RALGAPB: variants seen among roughly 807,000 people sequenced by gnomAD.
RALGAPB encodes the protein ral GTPase-activating protein subunit beta.
In RALGAPB, 25 loss-of-function variants were observed where a neutral mutation model predicts 161.1. That is an observed-to-expected ratio of 0.16 (90% CI 0.11 to 0.22). The LOEUF is 0.22. RALGAPB is among the 10% of genes least tolerant of loss of function. RALGAPB has a pLI of 1.00. For synonymous variants in RALGAPB, 629 were observed against 626.1 expected, an observed-to-expected ratio of 1.00 and a Z score of -0.07; for missense variants, 1,391 against 1,815.2, an observed-to-expected ratio of 0.77 and a Z score of 4.25.
chr20:38,502,661 CTGCAACCTCTGCCTCAT>C (rs1224214439), intron 5 of RALGAPB, among the ~76,000 whole-genome samples: 1 of 152,232 alleles, frequency 6.6e-6, no homozygotes, highest in African/African-American at 2.4e-5. Context: ...TCTCAGCTCA[CTGCAACCTCTGCCTCAT>C]TGCAGCCTCT....
At chr20:38,527,070 G>C (rs1253254220) in intron 13 of RALGAPB, among the ~76,000 whole-genome samples, 2 of 152,044 alleles carry the variant, frequency 1.3e-5, no homozygotes, top group Non-Finnish European at 2.9e-5. Flanking sequence ...CACAAACCTG[G>C]GTGGCAGTTA....
intron 25 of RALGAPB, 142 bp from the exon 26 acceptor site, chr20:38,566,953 GA>G: frequency 2.1e-6 from 3 of 1,401,298 alleles, no homozygotes; most frequent in Non-Finnish European, 1.9e-6. Context: ...ATCCTTTACA[GA>G]AAAAAGTTTG....
At chr20:38,536,193 A>G (rs932978327) in intron 16 of RALGAPB, among the ~76,000 whole-genome samples, 2 of 152,186 alleles carry the variant, frequency 1.3e-5, no homozygotes, top group Non-Finnish European at 1.5e-5. Flanking sequence ...GGGTCTACCT[A>G]TACTGGACAT....
intron 22 of RALGAPB, among the ~76,000 whole-genome samples, chr20:38,555,420 T>TG (rs1455499113): frequency 3.3e-5 from 5 of 152,222 alleles, no homozygotes; most frequent in Admixed American, 6.5e-5. Context: ...TTGAGTTTGA[T>TG]GCAGCATATG....
At chr20:38,517,697 T>G (rs2086172087) in intron 8 of RALGAPB, 43 bp downstream of exon 8, 1 of 1,609,704 alleles carries the variant, frequency 6.2e-7, no homozygotes, top group African/African-American at 1.3e-5. Context: ...TAAGGTTGGC[T>G]TTTTAATCTG....
Position 38,517,665 on chromosome 20 carries a change from A to C in RALGAPB, c.1200+11A>C. 6.2e-7 allele frequency: 1 copy of C among 1,612,958 alleles called. No individual in the cohort carries two copies. The highest frequency in any genetic ancestry group is 8.5e-7 in the Non-Finnish European group (1 of 1,179,670). On this transcript the variant is annotated intron_variant, in intron 8 of 29. Coordinates refer to ENST00000262879, the MANE Select transcript of RALGAPB (RefSeq NM_020336.4). The stretch of plus-strand genomic sequence containing the variant: ...ATGAAGACAAGCACAGTAAGAGTTT[A>C]CATCACCATTGTTATGCTATATAAG...
chr20:38,558,532 T>G (rs2087675119), intron 23 of RALGAPB, 79 bp downstream of exon 23: 1 of 1,268,460 alleles, frequency 7.9e-7, no homozygotes, highest in Non-Finnish European at 1.1e-6. Flanking sequence ...TGAGGCAAAA[T>G]TAATATGGAG....
At chr20:38,514,155 G>A (rs1453929493) in intron 6 of RALGAPB, among the ~76,000 whole-genome samples, 2 of 152,204 alleles carry the variant, frequency 1.3e-5, no homozygotes, top group Non-Finnish European at 2.9e-5. Context: ...CCATGAAGCA[G>A]CGAACAACCC....
At chr20:38,555,647 A>G (rs1601040640) in intron 22 of RALGAPB, among the ~76,000 whole-genome samples, 1 of 152,218 alleles carries the variant, frequency 6.6e-6, no homozygotes, top group African/African-American at 2.4e-5. Context: ...GAAAGGCCCT[A>G]ATAGCCTTGT....
rs1460602131 is a variant in RALGAPB, at chr20:38,472,963, G to A, written c.-137G>A. 3 of 398,568 alleles carry A rather than the reference G, an allele frequency of 7.5e-6. No homozygotes were observed. The highest frequency in any genetic ancestry group is 4.1e-5 in the African/African-American group (2 of 48,614). The allele number at this position is 398,568 out of a possible 1,614,324, so 24.7% of individuals were successfully genotyped here. On this transcript the variant is annotated 5_prime_UTR_variant, in exon 1 of 30. Coordinates refer to ENST00000262879, the MANE Select transcript of RALGAPB (RefSeq NM_020336.4). ...GGACCGCCTGAGGACGGCCGGCCAG[G>A]GCGGTGAAAGCGCCAGCCCTATGGC... is the stretch of plus-strand genomic sequence containing the variant.
At chr20:38,517,290 G>C in intron 7 of RALGAPB, among the ~76,000 whole-genome samples, 1 of 152,152 alleles carries the variant, frequency 6.6e-6, no homozygotes, top group East Asian at 1.9e-4. Flanking sequence ...AAGGGAGTTT[G>C]AAAATTGAGT....
chr20:38,481,615 T>G (rs1287959024), intron 1 of RALGAPB, among the ~76,000 whole-genome samples: 1 of 152,186 alleles, frequency 6.6e-6, no homozygotes, highest in Non-Finnish European at 1.5e-5. Context: ...CATATGGGAA[T>G]TGTGGGAGTT....
chr20:38,483,986 C>T (rs1193540821), intron 1 of RALGAPB, among the ~76,000 whole-genome samples: 4 of 151,934 alleles, frequency 2.6e-5, no homozygotes, highest in Non-Finnish European at 4.4e-5. Context: ...GTCAGGAGTT[C>T]GAGACCAGCC....
intron 5 of RALGAPB, among the ~76,000 whole-genome samples, chr20:38,504,893 G>A (rs928395755): frequency 9.2e-5 from 14 of 152,050 alleles, no homozygotes; most frequent in African/African-American, 3.4e-4. Context: ...CTCACACCAG[G>A]CAGAATGGGT....
intron 22 of RALGAPB, among the ~76,000 whole-genome samples, chr20:38,557,674 C>A (rs565901118): frequency 2.4e-4 from 36 of 152,290 alleles, no homozygotes; most frequent in African/African-American, 7.7e-4. Flanking sequence ...AAGGTTTCTT[C>A]ATTCAGTATG....
intron 14 of RALGAPB, among the ~76,000 whole-genome samples, chr20:38,531,574 T>TAA (rs2086651206): frequency 6.6e-6 from 1 of 152,136 alleles, no homozygotes; most frequent in African/African-American, 2.4e-5. Context: ...AAGCAACTAG[T>TAA]TTAACTTTTT....
Position 38,532,729 on chromosome 20 carries a change from G to C in RALGAPB, c.2116-1G>C. ...CACTTGATTCATTTTCATTTGACTA[G>C]GGTGGTGGAGAAAATAACCTGAAGA... is the stretch of plus-strand genomic sequence containing the variant. On this transcript the variant is annotated splice_acceptor_variant, in intron 14 of 29. Transcript: ENST00000262879. LOFTEE classifies it high-confidence loss of function. 6.2e-7 allele frequency: 1 copy of C among 1,613,506 alleles called. No individual in the cohort carries two copies. The highest frequency in any genetic ancestry group is 8.5e-7 in the Non-Finnish European group (1 of 1,179,530).
intron 5 of RALGAPB, among the ~76,000 whole-genome samples, chr20:38,506,704 T>G (rs1361491907): frequency 6.6e-6 from 1 of 152,234 alleles, no homozygotes; most frequent in African/African-American, 2.4e-5. Flanking sequence ...TATATTCCTC[T>G]GCCCCGCTGT....
chr20:38,562,757 T>C (rs562902750), intron 24 of RALGAPB, 60 bp downstream of exon 24: 1 of 1,515,774 alleles, frequency 6.6e-7, no homozygotes, highest in African/African-American at 1.4e-5. Flanking sequence ...TGTTTTTTTT[T>C]TTCCCCCTTT....
Sources: gnomAD v4.1 joint callset for allele counts (sites outside exome capture counted in the v4.1 genomes callset) on GRCh38, gnomAD v4.1.1 for gene constraint, MANE v1.5 for transcripts, NCBI Gene and HGNC (gene_info 2026-07-23, HGNC 2026-07-21) for gene names.